Variants in HOGA1 observed in about 807,000 individuals in gnomAD.
The protein encoded by HOGA1 is 4-hydroxy-2-oxoglutarate aldolase, mitochondrial.
In HOGA1, 30 loss-of-function variants were observed where a neutral mutation model predicts 34.3. That is an observed-to-expected ratio of 0.87 (90% confidence interval 0.65 to 1.19). The LOEUF is 1.19. Ranked by LOEUF, HOGA1 falls within the 50% of genes most tolerant of loss-of-function variation. HOGA1 has a pLI of 0.00. For synonymous variants in HOGA1, 161 were observed against 174.0 expected, an observed-to-expected ratio of 0.93 and a Z score of 0.59; for missense variants, 417 against 436.5, an observed-to-expected ratio of 0.96 and a Z score of 0.40.
Position 97,590,562 on chromosome 10 carries a change from G to A in HOGA1, c.211+5648G>A, listed in dbSNP as rs1046645098. On this transcript the variant is annotated intron_variant, in intron 1 of 6. Transcript: ENST00000370646. The stretch of plus-strand genomic sequence containing the variant: ...CAGAGCCACAGCCTGCCTAATCGCA[G>A]ACACTAGATCTGTGACTTCTTGGAA... 6.2e-6 allele frequency: 10 copies of A among 1,611,204 alleles called. No homozygotes were observed. In the African/African-American group the frequency reaches 1.3e-4, roughly 22 times the overall value.
chr10:97,611,531 C>T lies in HOGA1; in HGVS notation c.856C>T (p.Pro286Ser), dbSNP rs370276695. The change falls in exon 7 of 7, where the codon CCA (proline) becomes TCA (serine). Residue 286 changes from proline to serine, a missense_variant. Transcript: ENST00000370646. ...GCAGGTGACCCGGCGCTTTGGGATC[C>T]CAGGGCTGAAGAAAATCATGGACTG... ...NAAVTRRFGI[P>S]GLKKIMDWFG... The T allele has an allele frequency of 1.2e-6, 2 of 1,614,120 alleles. No individual in the cohort carries two copies. Among genetic ancestry groups the T allele is most frequent in the African/African-American group, 1.3e-5 (1 of 74,944 alleles).
Position 97,600,118 on chromosome 10 carries a change from G to A in HOGA1, c.655G>A (p.Val219Met), listed in dbSNP as rs1439302464. 3.1e-6 allele frequency: 5 copies of A among 1,614,166 alleles called. No homozygotes were observed. In the East Asian group the frequency reaches 6.7e-5, roughly 22 times the overall value. The stretch of plus-strand genomic sequence containing the variant: ...CAAGACCAGGAAGCAGGATTTTCAG[G>A]TGTTGGCTGGATCGGCTGGCTTTCT... ...VHKTRKQDFQ[V>M]LAGSAGFLMA... The change falls in exon 5 of 7, where the codon GTG (valine) becomes ATG (methionine). Residue 219 changes from valine to methionine, a missense_variant. Val to Met is a conservative substitution (Grantham distance 21). Coordinates refer to ENST00000370646, the MANE Select transcript of HOGA1 (RefSeq NM_138413.4).
chr10:97,590,163 T>G lies in HOGA1; in HGVS notation c.211+5249T>G, dbSNP rs747031797. 3 of 1,614,086 alleles carry G rather than the reference T, an allele frequency of 1.9e-6. No individual in the cohort carries two copies. In the South Asian group the frequency reaches 3.3e-5, roughly 18 times the overall value. ...AGGCACGGAGAAGTGGGCTCCGCTC[T>G]GCACCGGGAATCCTTCACCAGCAGG... is the stretch of plus-strand genomic sequence containing the variant. On this transcript the variant is annotated intron_variant, in intron 1 of 6. Transcript: ENST00000370646.
In HOGA1 at chr10:97,584,677, C is replaced by T. The variant is rs1369388658; in HGVS notation, c.-27C>T. ...CTAAGTCTCACTCTGGGACATAGACCAATTGTGCTTCAGGCCTCCTGCAGA... is the reference window on the plus strand; with the variant it reads ...CTAAGTCTCACTCTGGGACATAGACTAATTGTGCTTCAGGCCTCCTGCAGA... On this transcript the variant is annotated 5_prime_UTR_variant, in exon 1 of 7. Transcript: ENST00000370646. The T allele has an allele frequency of 2.5e-6, 4 of 1,576,172 alleles. No individual in the cohort carries two copies. Among genetic ancestry groups the T allele is most frequent in the Non-Finnish European group, 3.5e-6 (4 of 1,150,322 alleles).
intron 6 of HOGA1, among the ~76,000 whole-genome samples, chr10:97,605,611 T>C (rs1326996931): frequency 6.6e-6 from 1 of 152,218 alleles, no homozygotes; most frequent in African/African-American, 2.4e-5. Context: ...GCCATTCTGA[T>C]AGATGTATAG....
rs187020604 is a variant in HOGA1 at position 97,590,980 on chromosome 10, T to A, written c.211+6066T>A. 4 of 192,286 alleles carry A rather than the reference T, an allele frequency of 2.1e-5. No homozygotes were observed. The Admixed American group carries it at 2.2e-4, about 10-fold the overall frequency. The allele number at this position is 192,286 out of a possible 1,614,324, so 11.9% of individuals were successfully genotyped here. ...TGGGCAGCCTAAGGTCTGGCAGGGA[T>A]GGAGGGAGGGGGCTCCCTCTCCAGC... is the stretch of plus-strand genomic sequence containing the variant. On this transcript the variant is annotated intron_variant, in intron 1 of 6. Transcript: ENST00000370646.
chr10:97,590,426 A>C, intron 1 of HOGA1: 1 of 1,614,092 alleles, frequency 6.2e-7, no homozygotes, highest in African/African-American at 1.3e-5. Flanking sequence ...GGTAGAGATG[A>C]AGCTGCAAAA....
intron 5 of HOGA1, 41 bp downstream of exon 5, chr10:97,600,204 G>A: frequency 6.6e-7 from 1 of 1,511,980 alleles, no homozygotes; most frequent in South Asian, 1.1e-5. Context: ...GGGTGACCAA[G>A]AGATACCCAG....
At chr10:97,591,148 T>A (rs1000194610) in intron 1 of HOGA1, among the ~76,000 whole-genome samples, 1 of 152,008 alleles carries the variant, frequency 6.6e-6, no homozygotes, top group African/African-American at 2.4e-5. Flanking sequence ...CCCAATCTGA[T>A]GTTGCCAGGG....
chr10:97,609,851 G>A (rs939601408), intron 6 of HOGA1, among the ~76,000 whole-genome samples: 10 of 152,102 alleles, frequency 6.6e-5, no homozygotes, highest in South Asian at 2.1e-4. Flanking sequence ...TGGGGGTGGC[G>A]AGGCCTGCAG....
At chr10:97,600,590 G>T (rs1055807756) in intron 5 of HOGA1, 5 of 265,066 alleles carry the variant, frequency 1.9e-5, no homozygotes, top group Admixed American at 9.8e-5. Context: ...GTTGAGCCAG[G>T]GATCTTCAGT....
intron 6 of HOGA1, chr10:97,602,200 G>A: frequency 6.5e-7 from 1 of 1,539,708 alleles, no homozygotes; most frequent in Non-Finnish European, 8.8e-7. Context: ...TCAAACTTAA[G>A]TGTGCATTAA....
intron 1 of HOGA1, chr10:97,590,914 A>G (rs1350193256): frequency 2.3e-5 from 7 of 302,306 alleles, no homozygotes; most frequent in Admixed American, 9.5e-5. Flanking sequence ...AACGGAGCCA[A>G]TAAAGCTTTG....
At chr10:97,611,439 C>T in intron 6 of HOGA1, 71 bp from the exon 7 acceptor site, 1 of 1,555,206 alleles carries the variant, frequency 6.4e-7, no homozygotes, top group Non-Finnish European at 8.9e-7. Flanking sequence ...CTGAAAGTGA[C>T]AGATCTCCGA....
chr10:97,605,311 G>A (rs1201360030), intron 6 of HOGA1, among the ~76,000 whole-genome samples: 2 of 151,616 alleles, frequency 1.3e-5, no homozygotes, highest in Non-Finnish European at 2.9e-5. Flanking sequence ...GGAGGCTGAG[G>A]CAGAAGGGAA....
intron 1 of HOGA1, among the ~76,000 whole-genome samples, chr10:97,598,505 C>T (rs1479628480): frequency 6.6e-6 from 1 of 152,066 alleles, no homozygotes; most frequent in Non-Finnish European, 1.5e-5. Flanking sequence ...TTGTAATAAC[C>T]TTATTACATA....
At chr10:97,599,515 T>A (rs1402164149) in intron 3 of HOGA1, 165 bp from the exon 4 acceptor site, 16 of 889,794 alleles carry the variant, frequency 1.8e-5, no homozygotes, top group Non-Finnish European at 2.7e-5. Flanking sequence ...TCCATAAATA[T>A]GACCCACTGT....
At chr10:97,590,641 A>G (rs1005276865) in intron 1 of HOGA1, 1 of 1,477,184 alleles carries the variant, frequency 6.8e-7, no homozygotes, top group South Asian at 1.2e-5. Flanking sequence ...TGGCTCACAC[A>G]CACGTCTGTT....
In HOGA1 at chr10:97,593,029, C is replaced by CAAAAAAAAAA. The variant is rs1169191059; in HGVS notation, c.212-5733_212-5724dup. Among the ~76,000 whole-genome samples the CAAAAAAAAAA allele has an allele frequency of 2.0e-3, 95 of 47,748 alleles. 4 individuals are homozygous for CAAAAAAAAAA. The highest frequency in any genetic ancestry group is 4.7e-3 in the African/African-American group (53 of 11,382). The allele number at this position is 47,748 out of a possible 152,430, so 31.3% of individuals were successfully genotyped here. A position where few individuals can be genotyped will look rare whatever the true frequency, so the allele number is the denominator to read the frequency against. ...TGGGCGACAGAGTGAGACTCTGTCTCAAAAAAAAAAAAAAAAAAAAAAGAG... is the reference window on the plus strand; with the variant it reads ...TGGGCGACAGAGTGAGACTCTGTCTCAAAAAAAAAAAAAAAAAAAAAAAAAAAAAAAAGAG... On this transcript the variant is annotated intron_variant, in intron 1 of 6. Transcript: ENST00000370646.
Sources: gnomAD v4.1 joint callset for allele counts (sites outside exome capture counted in the v4.1 genomes callset) on GRCh38, gnomAD v4.1.1 for gene constraint, MANE v1.5 for transcripts, NCBI Gene and HGNC (gene_info 2026-07-23, HGNC 2026-07-21) for gene names.